The following SORBS2 variants were observed in gnomAD, a reference collection of about 807,000 sequenced individuals.
The protein encoded by SORBS2 is sorbin and SH3 domain containing 2.
In SORBS2, 46 loss-of-function variants were observed where a neutral mutation model predicts 97.7. That is an observed-to-expected ratio of 0.47 (90% CI 0.37 to 0.60). SORBS2 has a LOEUF of 0.60. SORBS2 is among the 20% of genes least tolerant of loss of function. The pLI, the probability that SORBS2 is intolerant of heterozygous loss-of-function variation, is 0.00. For synonymous variants in SORBS2, 476 were observed against 473.4 expected (o/e 1.01, Z -0.07); for missense variants, 1,316 against 1,282.3 (o/e 1.03, Z -0.40).
At chr4:185,619,840 A>T (rs1257878732) in intron 8 of SORBS2, among the ~76,000 whole-genome samples, 1 of 152,184 alleles carries the variant, frequency 6.6e-6, no homozygotes, top group Non-Finnish European at 1.5e-5. Flanking sequence ...CTCATGGCCA[A>T]AACTGGGCCA....
At chr4:185,780,745 CT>C (rs2153634526) in intron 1 of SORBS2, among the ~76,000 whole-genome samples, 1 of 152,230 alleles carries the variant, frequency 6.6e-6, no homozygotes, top group African/African-American at 2.4e-5. Context: ...TAAGTAAATA[CT>C]TTTTAGTAGG....
chr4:185,611,046 A>G (rs962484763), intron 12 of SORBS2, among the ~76,000 whole-genome samples: 4 of 152,186 alleles, frequency 2.6e-5, no homozygotes, highest in African/African-American at 9.7e-5. Flanking sequence ...CCTCTTTTAA[A>G]TTACGTATTG....
chr4:185,685,679 A>T (rs1345229786), intron 2 of SORBS2, among the ~76,000 whole-genome samples: 1 of 152,084 alleles, frequency 6.6e-6, no homozygotes, highest in Admixed American at 6.6e-5. Context: ...CCACAGGCAC[A>T]CACCGGCTAA....
chr4:185,711,023 G>A lies in SORBS2; in HGVS notation c.-197-32201C>T, dbSNP rs138067692. Reference sequence around the variant, plus strand: ...CTCTCTCCATTGCCCAGGCTGGAGTGCCGTGGTGTGATTATGGCTCACTGC... The same window carrying A: ...CTCTCTCCATTGCCCAGGCTGGAGTACCGTGGTGTGATTATGGCTCACTGC... On this transcript the variant is annotated intron_variant, in intron 2 of 20. Transcript: ENST00000284776. Among the ~76,000 whole-genome samples the A allele has an allele frequency of 6.5e-3, 994 of 152,212 alleles. 13 individuals are homozygous for A. The highest frequency in any genetic ancestry group is 0.022 in the African/African-American group (919 of 41,536).
At chr4:185,841,161 TC>T (rs1434732559) in intron 1 of SORBS2, among the ~76,000 whole-genome samples, 3 of 152,148 alleles carry the variant, frequency 2.0e-5, no homozygotes, top group Non-Finnish European at 4.4e-5. Flanking sequence ...GAACCTGAAC[TC>T]CCCTTGTGGG....
upstream of SORBS2, among the ~76,000 whole-genome samples, chr4:185,661,305 T>G (rs1037625219): frequency 1.3e-5 from 2 of 151,922 alleles, no homozygotes; most frequent in Non-Finnish European, 2.9e-5. Context: ...TTTATCACAT[T>G]ATTTTCTGAA....
intron 4 of SORBS2, among the ~76,000 whole-genome samples, chr4:185,665,168 C>G (rs1267084081): frequency 6.6e-6 from 1 of 152,106 alleles, no homozygotes; most frequent in Non-Finnish European, 1.5e-5. Context: ...AATCGTACAG[C>G]TAAATTTCTG....
At chr4:185,905,130 AG>A (rs2099250056) in intron 1 of SORBS2, among the ~76,000 whole-genome samples, 1 of 151,960 alleles carries the variant, frequency 6.6e-6, no homozygotes, top group Admixed American at 6.6e-5. Context: ...AAAGAAAGAA[AG>A]AAACAGTGCC....
At chr4:185,688,529 G>T (rs937791210) in intron 2 of SORBS2, among the ~76,000 whole-genome samples, 3 of 151,950 alleles carry the variant, frequency 2.0e-5, no homozygotes, top group Middle Eastern at 3.4e-3. Flanking sequence ...TAGATAGATA[G>T]ATAGACAAAA....
At position 185,622,902 on chromosome 4, in the gene SORBS2, A is replaced by T. The variant is rs760060624; in HGVS notation, c.2215+12T>A. On this transcript the variant is annotated intron_variant, in intron 7 of 14. Coordinates refer to ENST00000418609, the Ensembl canonical transcript of SORBS2. Reference sequence around the variant, plus strand: ...CTGAACCACAAGGAAAAAGAAAGAAAAGCTCATCCACCTTGGAGTGCACCG... The same window carrying T: ...CTGAACCACAAGGAAAAAGAAAGAATAGCTCATCCACCTTGGAGTGCACCG... 1 of 1,568,018 alleles carries T rather than the reference A, an allele frequency of 6.4e-7. No individual in the cohort carries two copies. Among genetic ancestry groups the T allele is most frequent in the South Asian group, 1.2e-5 (1 of 86,332 alleles).
At chr4:185,733,731 C>T (rs2098662207) in intron 2 of SORBS2, among the ~76,000 whole-genome samples, 1 of 152,164 alleles carries the variant, frequency 6.6e-6, no homozygotes, top group Admixed American at 6.5e-5. Flanking sequence ...GCTTGCTATT[C>T]CACTCTGAAA....
At chr4:185,802,554 G>C (rs901809472) in intron 1 of SORBS2, among the ~76,000 whole-genome samples, 36 of 152,210 alleles carry the variant, frequency 2.4e-4, no homozygotes, top group African/African-American at 8.2e-4. Flanking sequence ...AATACAATCA[G>C]CTAACTTACA....
intron 1 of SORBS2, among the ~76,000 whole-genome samples, chr4:185,785,091 C>T (rs2099049741): frequency 6.6e-6 from 1 of 151,622 alleles, no homozygotes; most frequent in Admixed American, 6.6e-5. Flanking sequence ...AGAGAGCTTT[C>T]AACAGGGTTG....
Position 185,602,076 on chromosome 4 carries a change from T to G in SORBS2, c.2797-8141A>C, listed in dbSNP as rs2096274849. Among the ~76,000 whole-genome samples, 3 of 152,114 alleles carry G rather than the reference T, an allele frequency of 2.0e-5. No individual in the cohort carries two copies. In the South Asian group the frequency reaches 6.2e-4, roughly 32 times the overall value. ...GCCAGGCTGGAGTGCAGTGGCACGG[T>G]CTCGGCTCACTGCAACCTCTGCCTC... On this transcript the variant is annotated intron_variant, in intron 12 of 14. Transcript: ENST00000418609.
chr4:185,721,263 C>T (rs1227524583), intron 2 of SORBS2, among the ~76,000 whole-genome samples: 2 of 151,874 alleles, frequency 1.3e-5, no homozygotes, highest in African/African-American at 4.8e-5. Flanking sequence ...TTAGTAGAAA[C>T]GGGGTTTTGC....
At chr4:185,689,439 G>C (rs184314594) in intron 2 of SORBS2, among the ~76,000 whole-genome samples, 1 of 152,200 alleles carries the variant, frequency 6.6e-6, no homozygotes, top group Admixed American at 6.5e-5. Context: ...GTCTACTTCT[G>C]ACATCTCCAA....
At chr4:185,873,428 A>T (rs2099231544) in intron 1 of SORBS2, among the ~76,000 whole-genome samples, 1 of 152,222 alleles carries the variant, frequency 6.6e-6, no homozygotes, top group African/African-American at 2.4e-5. Flanking sequence ...CCAGCAGGAT[A>T]AGAAATGTCT....
intron 2 of SORBS2, among the ~76,000 whole-genome samples, chr4:185,722,020 T>C (rs1429143065): frequency 6.6e-6 from 1 of 152,208 alleles, no homozygotes; most frequent in Non-Finnish European, 1.5e-5. Context: ...AACAATCACT[T>C]AAGCTCCAAG....
At chr4:185,660,843 C>T (rs565669768), upstream of SORBS2, among the ~76,000 whole-genome samples, 4 of 152,176 alleles carry the variant, frequency 2.6e-5, no homozygotes, top group African/African-American at 9.7e-5. Context: ...CTGAGAATTC[C>T]CCTCTGCTCC....
Sources: gnomAD v4.1 joint callset for allele counts (sites outside exome capture counted in the v4.1 genomes callset) on GRCh38, gnomAD v4.1.1 for gene constraint, MANE v1.5 for transcripts, NCBI Gene and HGNC (gene_info 2026-07-23, HGNC 2026-07-21) for gene names.